CACNA1I: variants seen among roughly 807,000 people sequenced by gnomAD.
CACNA1I encodes the protein calcium voltage-gated channel subunit alpha1 I.
In CACNA1I, 74 loss-of-function variants were observed where a neutral mutation model predicts 201.6. The observed-to-expected ratio is 0.37, with a 90% CI of 0.30 to 0.45. The LOEUF (loss-of-function observed/expected upper bound fraction) is 0.45, where lower values mean the gene tolerates loss of function less well. Among genes scored for constraint, CACNA1I ranks in the 20% least tolerant of loss-of-function variants. The pLI is 1.00. For missense variants in CACNA1I, 2,346 were observed against 3,138.1 expected (o/e 0.75, Z 6.03); for synonymous variants, 1,431 against 1,345.2 (o/e 1.06, Z -1.40).
chr22:39,662,204 G>GCACCGC lies in CACNA1I; in HGVS notation c.3152_3157dup (p.Arg1051_His1052dup), dbSNP rs756234305. 58 of 1,528,384 alleles carry GCACCGC rather than the reference G, an allele frequency of 3.8e-5. 2 individuals carry two copies. The highest frequency in any genetic ancestry group is 3.5e-4 in the South Asian group (29 of 82,242). 94.7% of individuals were successfully genotyped at this position (1,528,384 alleles called of 1,614,324 possible). On this transcript the variant is annotated inframe_insertion, in exon 17 of 37. Coordinates refer to ENST00000402142, the MANE Select transcript of CACNA1I (RefSeq NM_021096.4). ...ACATTCATCACGGGCCCCATCTGGC[G>GCACCGC]CACCGCCACCGCCACCACCGCCGGA...
chr22:39,673,112 G>T (rs762767652), intron 28 of CACNA1I, 30 bp downstream of exon 28: 7 of 1,602,502 alleles, frequency 4.4e-6, no homozygotes, highest in Middle Eastern at 1.7e-4. Flanking sequence ...ACAGGGAACG[G>T]GGACAAGCAG....
chr22:39,598,004 G>A (rs1569054475), intron 1 of CACNA1I, 147 bp from the exon 2 acceptor site: 5 of 637,878 alleles, frequency 7.8e-6, no homozygotes, highest in Middle Eastern at 2.8e-4. Flanking sequence ...GCTTTGAGCT[G>A]TTTCAGGGAT....
chr22:39,682,762 T>G (rs1935744222), intron 35 of CACNA1I, 101 bp downstream of exon 35: 1 of 995,168 alleles, frequency 1.0e-6, no homozygotes. Context: ...TTACCCAGAT[T>G]ATTATATTTA....
intron 3 of CACNA1I, among the ~76,000 whole-genome samples, chr22:39,601,835 TTCCCTCCCTCCCTCCCTCCC>T (rs1300230702): frequency 1.3e-5 from 1 of 79,106 alleles, no homozygotes; most frequent in Admixed American, 1.4e-4. Flanking sequence ...CCTTCCTTCC[TTCCCTCCCTCCCTCCCTCCC>T]TCCTTCCTTC....
rs370991783 is a variant in CACNA1I, at chr22:39,670,930, C to T, written c.4515C>T (p.Ser1505=). The change falls in exon 26 of 37, where the codon TCC becomes TCT. Residue 1505 remains serine, a synonymous_variant. Transcript: ENST00000402142. ...FIICLNVVTM[S]LEHYNQPTSL... ...TCTGCCTCAACGTGGTCACCATGTC[C>T]CTGGAGCACTACAATCAGCCCACGG... 5 of 1,613,914 alleles carry T rather than the reference C, an allele frequency of 3.1e-6. No individual in the cohort carries two copies. The highest frequency in any genetic ancestry group is 4.2e-6 in the Non-Finnish European group (5 of 1,179,852).
rs568302927 is a variant in CACNA1I at position 39,665,165 on chromosome 22, G to A, written c.3851+242G>A. Among the ~76,000 whole-genome samples the A allele has an allele frequency of 6.6e-6, 1 of 152,292 alleles. No individual in the cohort carries two copies. Among genetic ancestry groups the A allele is most frequent in the East Asian group, 1.9e-4 (1 of 5,180 alleles). On this transcript the variant is annotated intron_variant, in intron 21 of 36. Transcript: ENST00000402142. This position sits in a 1 kb window ranked among gnomAD's most constrained non-coding sequence, Gnocchi z 5.5. ...TGCCCACTCTGCGTGTCCCTGAGTG[G>A]CTCGTTGCCATCTCTGGGTATCAGT...
intron 1 of CACNA1I, among the ~76,000 whole-genome samples, chr22:39,589,451 A>G (rs1464172164): frequency 6.6e-6 from 1 of 152,232 alleles, no homozygotes; most frequent in Non-Finnish European, 1.5e-5. Flanking sequence ...TGAATGTGTG[A>G]ATGAGTGTCC....
intron 4 of CACNA1I, among the ~76,000 whole-genome samples, chr22:39,621,109 C>T (rs1360150191): frequency 1.3e-5 from 2 of 152,218 alleles, no homozygotes; most frequent in Non-Finnish European, 2.9e-5. Flanking sequence ...AGGAACTTGA[C>T]ATCTGATGGC....
chr22:39,679,074 G>T (rs548999069), intron 31 of CACNA1I, 33 bp from the exon 32 acceptor site: 205 of 1,521,432 alleles, frequency 1.3e-4, no homozygotes, highest in Non-Finnish European at 5.9e-5. Flanking sequence ...GGATGTCTCC[G>T]TCCTCATCCT....
At chr22:39,674,970 C>T (rs1425846698) in intron 29 of CACNA1I, among the ~76,000 whole-genome samples, 3 of 152,188 alleles carry the variant, frequency 2.0e-5, no homozygotes, top group African/African-American at 4.8e-5. Context: ...GTGGCATGGT[C>T]TGGATGGAAA....
In CACNA1I at chr22:39,664,929, G is replaced by C. The variant is rs752543241; in HGVS notation, c.3851+6G>C. 6.2e-7 allele frequency: 1 copy of C among 1,610,598 alleles called. No homozygotes were observed. The highest frequency in any genetic ancestry group is 1.1e-5 in the South Asian group (1 of 91,056). On this transcript the variant is annotated splice_donor_region_variant and intron_variant, in intron 21 of 36. Coordinates refer to ENST00000402142, the MANE Select transcript of CACNA1I (RefSeq NM_021096.4). ...CGCACCCTACGCCCCCTGCGGTGAG[G>C]ACCCCTCCTGGGCGGATGGGGGAAA... is the stretch of plus-strand genomic sequence containing the variant.
At chr22:39,571,114 C>T in intron 1 of CACNA1I, 126 bp downstream of exon 1, 2 of 807,702 alleles carry the variant, frequency 2.5e-6, no homozygotes, top group South Asian at 3.0e-5. Context: ...GGCCACTGGG[C>T]CTTGGTGGTG....
At chr22:39,618,555 C>G (rs553714110) in intron 3 of CACNA1I, among the ~76,000 whole-genome samples, 1 of 152,106 alleles carries the variant, frequency 6.6e-6, no homozygotes, top group East Asian at 1.9e-4. Context: ...CTCAATGACT[C>G]TTCAAGCAGC....
Position 39,684,525 on chromosome 22 carries a change from C to T in CACNA1I, c.6027+27C>T. 1.9e-6 allele frequency: 3 copies of T among 1,602,560 alleles called. No individual in the cohort carries two copies. The highest frequency in any genetic ancestry group is 2.6e-6 in the Non-Finnish European group (3 of 1,174,034). ...TACCGACACCTCCCAGGCCCTAGAG[C>T]ACTGGTCTGTGGGCAAGGGGCAGGA... On this transcript the variant is annotated intron_variant, in intron 36 of 36. Coordinates refer to ENST00000402142, the MANE Select transcript of CACNA1I (RefSeq NM_021096.4). The surrounding 1 kb of genome is among the most constrained non-coding windows in gnomAD (Gnocchi z 4.6).
At position 39,666,109 on chromosome 22, in the gene CACNA1I, A is replaced by C. The variant is rs1411812871; in HGVS notation, c.4104+103A>C. The C allele has an allele frequency of 7.2e-7, 1 of 1,393,828 alleles. No individual in the cohort carries two copies. The highest frequency in any genetic ancestry group is 9.9e-7 in the Non-Finnish European group (1 of 1,015,088). 86.3% of individuals were successfully genotyped at this position (1,393,828 alleles called of 1,614,324 possible). A position where few individuals can be genotyped will look rare whatever the true frequency, so the allele number is the denominator to read the frequency against. On this transcript the variant is annotated intron_variant, in intron 23 of 36. Coordinates refer to ENST00000402142, the MANE Select transcript of CACNA1I (RefSeq NM_021096.4). The surrounding 1 kb of genome is among the most constrained non-coding windows in gnomAD (Gnocchi z 4.1). ...CTTGTCTTGCACTGCCAGGACTGAC[A>C]CTGACTTCTCCTCTCCAAGCCTCAG... is the stretch of plus-strand genomic sequence containing the variant.
intron 3 of CACNA1I, among the ~76,000 whole-genome samples, chr22:39,601,473 C>T (rs1297760187): frequency 2.6e-5 from 4 of 152,094 alleles, no homozygotes; most frequent in South Asian, 2.1e-4. Flanking sequence ...GGAGGTGACA[C>T]GGGAGAGCTG....
At chr22:39,595,017 C>T (rs1363433797) in intron 1 of CACNA1I, among the ~76,000 whole-genome samples, 2 of 152,210 alleles carry the variant, frequency 1.3e-5, no homozygotes, top group Non-Finnish European at 2.9e-5. Context: ...ACGCCAGGCG[C>T]GGTGGCTCAT....
At chr22:39,681,656 C>T (rs1935711023) in intron 34 of CACNA1I, among the ~76,000 whole-genome samples, 1 of 151,680 alleles carries the variant, frequency 6.6e-6, no homozygotes, top group Admixed American at 6.6e-5. Context: ...GCTGATCCTG[C>T]AGTCTTAGGG....
intron 1 of CACNA1I, among the ~76,000 whole-genome samples, chr22:39,587,522 G>T (rs1221560707): frequency 6.6e-6 from 1 of 152,116 alleles, no homozygotes; most frequent in Non-Finnish European, 1.5e-5. Flanking sequence ...AAAGTGGGGT[G>T]TAATAATGTC....
Sources: allele counts gnomAD v4.1 joint callset (sites outside exome capture counted in the v4.1 genomes callset), GRCh38; gene constraint gnomAD v4.1.1; non-coding constraint Gnocchi (gnomAD v3.1); transcripts MANE v1.5; gene names NCBI Gene and HGNC (gene_info 2026-07-23, HGNC 2026-07-21).